The following ZNF541 variants were observed in gnomAD, a reference collection of about 807,000 sequenced individuals.
ZNF541 encodes zinc finger protein 541.
In ZNF541, 23 loss-of-function variants were observed where a neutral mutation model predicts 123.5. The ratio of observed to expected loss-of-function variants is 0.19; its 90% CI spans 0.13 to 0.26. The LOEUF (loss-of-function observed/expected upper bound fraction) is 0.26. ZNF541 is among the 10% of genes least tolerant of loss of function. The probability of loss-of-function intolerance (pLI) is 1.00; values close to 1 mark genes in which losing one functional copy is unlikely to be tolerated. For synonymous variants in ZNF541, 751 were observed against 754.5 expected (o/e 1.00, Z 0.08); for missense variants, 1,612 against 1,789.9 (o/e 0.90, Z 1.79).
chr19:47,548,001 T>G (rs1053786966), intron 4 of ZNF541, among the ~76,000 whole-genome samples: 3 of 141,532 alleles, frequency 2.1e-5, no homozygotes, highest in African/African-American at 8.1e-5. Context: ...AGATCACACC[T>G]CTGCACTCCA....
chr19:47,557,278 G>T (rs1008024571), intron 2 of ZNF541, among the ~76,000 whole-genome samples: 29 of 152,172 alleles, frequency 1.9e-4, no homozygotes, highest in African/African-American at 6.5e-4. Flanking sequence ...GAGGCCTGGG[G>T]CCCTGGAAGA....
chr19:47,526,428 G>C (rs968958599), intron 14 of ZNF541, among the ~76,000 whole-genome samples: 3 of 149,414 alleles, frequency 2.0e-5, no homozygotes, highest in African/African-American at 7.4e-5. Context: ...GTTGCAGTGA[G>C]CATGGATTGC....
chr19:47,538,908 T>G (rs1969953142), intron 8 of ZNF541, among the ~76,000 whole-genome samples: 1 of 152,160 alleles, frequency 6.6e-6, no homozygotes, highest in Non-Finnish European at 1.5e-5. Context: ...CCTACGAGAC[T>G]GATCACTCGT....
At chr19:47,569,469 G>A (rs748337954) in intron 2 of ZNF541, among the ~76,000 whole-genome samples, 2 of 152,084 alleles carry the variant, frequency 1.3e-5, no homozygotes, top group African/African-American at 4.8e-5. Flanking sequence ...GTCTAATTTC[G>A]AAACCCTTAC....
intron 2 of ZNF541, among the ~76,000 whole-genome samples, chr19:47,565,974 C>T (rs1056082172): frequency 3.9e-5 from 6 of 151,992 alleles, no homozygotes; most frequent in Non-Finnish European, 7.4e-5. Context: ...GTCAGGAGTT[C>T]GAGACCAGAC....
Position 47,521,571 on chromosome 19 carries a change from G to A in ZNF541, c.3795C>T (p.Leu1265=). The part of the protein sequence containing the change: ...KTKSYRRESI[L]SSSPNAGSKR... ...TGGAGCCTGCATTTGGGCTGGAGCT[G>A]AGGATGGACTCCCTCCTATAACTCT... Residue 1265 remains leucine, a synonymous_variant, in exon 16 of 17, where the codon CTC becomes CTT. Transcript: ENST00000391901. This position sits in a 1 kb window ranked among gnomAD's most constrained non-coding sequence, Gnocchi z 4.2. 1 of 1,551,726 alleles carries A rather than the reference G, an allele frequency of 6.4e-7. No homozygotes were observed.
chr19:47,551,238 C>T (rs1663696042), intron 3 of ZNF541, among the ~76,000 whole-genome samples: 2 of 151,962 alleles, frequency 1.3e-5, no homozygotes, highest in Admixed American at 1.3e-4. Context: ...TGGGGTTTCA[C>T]CATGTTGGCC....
At chr19:47,539,666 G>C (rs1163253473) in intron 8 of ZNF541, 39 bp downstream of exon 8, 45 of 1,375,912 alleles carry the variant, frequency 3.3e-5, no homozygotes, top group Non-Finnish European at 4.1e-5. Context: ...CAGCAGCTGC[G>C]GGCAGTGGCA....
In ZNF541 at chr19:47,545,424, C is replaced by T. The variant is rs1449754611; in HGVS notation, c.1105G>A (p.Glu369Lys). 2 of 1,486,928 alleles carry T rather than the reference C, an allele frequency of 1.3e-6. No individual in the cohort carries two copies. Among genetic ancestry groups the T allele is most frequent in the Admixed American group, 2.5e-5 (1 of 40,506 alleles). 92.1% of individuals were successfully genotyped at this position (1,486,928 alleles called of 1,614,324 possible). A position where few individuals can be genotyped will look rare whatever the true frequency, so the allele number is the denominator to read the frequency against. ...ENGAPDPPEP[E>K]PDTALLQARS... ...GCCTGGAGCAGCGCGGTATCTGGCT[C>T]CGGCTCTGGCGGGTCGGGGGCGCCG... The change falls in exon 5 of 17, where the codon GAG (glutamate) becomes AAG (lysine). Residue 369 changes from glutamate (E) to lysine (K), a missense_variant. This residue lies in a region of ZNF541 where 1,080 missense variants were observed against 1,013.8 expected (regional missense o/e 1.07). Transcript: ENST00000391901. The surrounding 1 kb of genome is among the most constrained non-coding windows in gnomAD (Gnocchi z 7.5).
chr19:47,562,607 A>C (rs2921558), intron 2 of ZNF541, among the ~76,000 whole-genome samples: 21,127 of 152,208 alleles, frequency 0.14, 2,627 homozygotes, highest in African/African-American at 0.34. Flanking sequence ...CCAGTTTTCG[A>C]ATCATGGAAG....
At chr19:47,538,638 C>A (rs1488607801) in intron 8 of ZNF541, 199 bp from the exon 9 acceptor site, 4 of 546,714 alleles carry the variant, frequency 7.3e-6, no homozygotes, top group Non-Finnish European at 1.3e-5. Flanking sequence ...CAGCCTTCTC[C>A]TGCACCCACT....
chr19:47,535,858 G>A (rs917868386), intron 9 of ZNF541, among the ~76,000 whole-genome samples: 4 of 152,112 alleles, frequency 2.6e-5, no homozygotes, highest in Non-Finnish European at 4.4e-5. Context: ...CGGCGCTAGA[G>A]GAATTAAAGA....
rs770534578 is a variant in ZNF541 at position 47,538,391 on chromosome 19, G to T, written c.2845C>A (p.Gln949Lys). The change falls in exon 9 of 17, where the codon CAG becomes AAG. Residue 949 changes from glutamine to lysine, a missense_variant. This residue lies in a region of ZNF541 where 1,080 missense variants were observed against 1,013.8 expected (regional missense o/e 1.07). Transcript: ENST00000391901. ...GGGGGCCGCTTCTTCCGCTTTCTCT[G>T]CTGGCTGCTCTCCTTGCTGTCTCGC... ...EERDSKESSQ[Q>K]RKRKKRPPPS... is the part of the protein sequence containing the mutation. 6.5e-7 allele frequency: 1 copy of T among 1,543,500 alleles called. No individual in the cohort carries two copies. The highest frequency in any genetic ancestry group is 1.2e-5 in the South Asian group (1 of 82,656).
At chr19:47,529,556 T>A in intron 13 of ZNF541, 21 bp downstream of exon 13, 1 of 1,551,454 alleles carries the variant, frequency 6.4e-7, no homozygotes, top group Non-Finnish European at 8.7e-7. Context: ...CCAAACCAGC[T>A]CAGCAGCCTT....
chr19:47,569,473 C>T (rs1213474142), intron 2 of ZNF541, among the ~76,000 whole-genome samples: 1 of 152,068 alleles, frequency 6.6e-6, no homozygotes, highest in African/African-American at 2.4e-5. Context: ...AATTTCGAAA[C>T]CCTTACGCTT....
At chr19:47,530,452 C>T (rs977251147) in intron 12 of ZNF541, among the ~76,000 whole-genome samples, 1 of 151,330 alleles carries the variant, frequency 6.6e-6, no homozygotes, top group African/African-American at 2.4e-5. Flanking sequence ...TCCCAAAGTG[C>T]TGGGATTACA....
intron 3 of ZNF541, among the ~76,000 whole-genome samples, chr19:47,551,919 G>A (rs906286252): frequency 1.3e-5 from 2 of 152,252 alleles, no homozygotes; most frequent in Admixed American, 6.5e-5. Context: ...GTGCAATGGC[G>A]CCATCTTGGC....
intron 3 of ZNF541, among the ~76,000 whole-genome samples, chr19:47,553,017 G>A (rs923192077): frequency 6.6e-5 from 10 of 151,596 alleles, no homozygotes; most frequent in African/African-American, 2.4e-4. Context: ...GCTGAGGCAG[G>A]AGAATCGCCT....
In ZNF541 at chr19:47,532,260, T is replaced by C. The variant is rs1177769094; in HGVS notation, c.3169A>G (p.Ile1057Val). The C allele has an allele frequency of 1.1e-5, 17 of 1,552,030 alleles. No individual in the cohort carries two copies. In the South Asian group the frequency reaches 1.8e-4, roughly 16 times the overall value. Residue 1057 changes from isoleucine (I) to valine (V), a missense_variant, in exon 11 of 17, where the codon ATA becomes GTA. Coordinates refer to ENST00000391901, the MANE Select transcript of ZNF541 (RefSeq NM_001277075.3). ...ATCTCTGCCTGAAACCGGCTTCCTA[T>C]ATTGATATGTCTGAAATGAGGCCAC... ...TKISIEPHIN[I>V]GSRFQAEIPE...
Sources: allele counts gnomAD v4.1 joint callset (sites outside exome capture counted in the v4.1 genomes callset), GRCh38; gene constraint gnomAD v4.1.1; regional missense constraint gnomAD v4.1.1; non-coding constraint Gnocchi (gnomAD v3.1); transcripts MANE v1.5; gene names NCBI Gene and HGNC (gene_info 2026-07-23, HGNC 2026-07-21).